The following ADGRB3 variants were observed in gnomAD, a reference collection of about 807,000 sequenced individuals.
ADGRB3 encodes brain-specific angiogenesis inhibitor 3.
In ADGRB3, 37 loss-of-function variants were observed where a neutral mutation model predicts 193.4. The ratio of observed to expected loss-of-function variants is 0.19; its 90% CI spans 0.15 to 0.25. The LOEUF is 0.25. ADGRB3 is among the 10% of genes least tolerant of loss of function. The probability of loss-of-function intolerance (pLI) is 1.00; values close to 1 mark genes in which losing one functional copy is unlikely to be tolerated. For synonymous variants in ADGRB3, 690 were observed against 644.2 expected, an observed-to-expected ratio of 1.07 and a Z score of -1.08; for missense variants, 1,637 against 1,852.9, an observed-to-expected ratio of 0.88 and a Z score of 2.14.
chr6:69,217,747 G>A (rs1428146089), intron 17 of ADGRB3, among the ~76,000 whole-genome samples: 1 of 152,120 alleles, frequency 6.6e-6, no homozygotes, highest in East Asian at 1.9e-4. Context: ...ACCCTGATTT[G>A]CTTCTCTTCA....
intron 3 of ADGRB3, among the ~76,000 whole-genome samples, chr6:68,774,876 C>T (rs185768201): frequency 4.6e-5 from 7 of 152,086 alleles, no homozygotes; most frequent in African/African-American, 1.7e-4. Flanking sequence ...ACTCAGGATT[C>T]AACAGATGTA....
intron 3 of ADGRB3, among the ~76,000 whole-genome samples, chr6:68,919,978 A>G (rs1766990442): frequency 6.6e-6 from 1 of 152,112 alleles, no homozygotes; most frequent in African/African-American, 2.4e-5. Context: ...TATCATAGAG[A>G]AAATTATTGG....
chr6:68,656,274 C>T (rs2127284083), intron 3 of ADGRB3, among the ~76,000 whole-genome samples: 2 of 151,652 alleles, frequency 1.3e-5, no homozygotes, highest in East Asian at 3.9e-4. Context: ...TTTTAACTCT[C>T]TGTAGTCCTT....
chr6:69,236,717 C>T (rs750165915), intron 19 of ADGRB3, among the ~76,000 whole-genome samples: 3 of 152,010 alleles, frequency 2.0e-5, no homozygotes, highest in South Asian at 2.1e-4. Context: ...ATCACTAACA[C>T]TAGCATATAC....
At chr6:69,159,387 A>G (rs557147925) in intron 17 of ADGRB3, among the ~76,000 whole-genome samples, 1 of 152,132 alleles carries the variant, frequency 6.6e-6, no homozygotes, top group East Asian at 1.9e-4. Flanking sequence ...TCTTACCTCA[A>G]GTATTAGTAG....
At chr6:69,334,520 T>C (rs139147152) in intron 24 of ADGRB3, among the ~76,000 whole-genome samples, 2 of 152,326 alleles carry the variant, frequency 1.3e-5, no homozygotes, top group Non-Finnish European at 2.9e-5. Context: ...GCAGACAAGT[T>C]TCTGTAACAA....
intron 3 of ADGRB3, among the ~76,000 whole-genome samples, chr6:68,805,407 T>C (rs1385434702): frequency 1.3e-5 from 2 of 152,196 alleles, no homozygotes; most frequent in Non-Finnish European, 2.9e-5. Flanking sequence ...CTCTTCTCAG[T>C]CTATTTTTAC....
At chr6:69,219,475 A>ATATATATACACG (rs1765845172) in intron 17 of ADGRB3, among the ~76,000 whole-genome samples, 1 of 78,086 alleles carries the variant, frequency 1.3e-5, no homozygotes, top group East Asian at 2.6e-4. Flanking sequence ...ATATATATAT[A>ATATATATACACG]TATATATATA....
At chr6:68,902,021 T>C (rs1295158890) in intron 3 of ADGRB3, among the ~76,000 whole-genome samples, 1 of 152,160 alleles carries the variant, frequency 6.6e-6, no homozygotes, top group Non-Finnish European at 1.5e-5. Context: ...AGAACTATTA[T>C]GAAATGGGCA....
intron 8 of ADGRB3, 58 bp downstream of exon 8, chr6:68,956,867 A>G: frequency 6.4e-7 from 1 of 1,556,586 alleles, no homozygotes; most frequent in Non-Finnish European, 8.8e-7. Context: ...AAAAAAAAAG[A>G]TTTAAAAATA....
chr6:69,021,658 T>C (rs934723012), intron 13 of ADGRB3, among the ~76,000 whole-genome samples: 4 of 151,890 alleles, frequency 2.6e-5, no homozygotes, highest in African/African-American at 4.8e-5. Flanking sequence ...GACGATAATT[T>C]ATATTTAAAA....
chr6:69,024,381 A>C (rs912362840), intron 13 of ADGRB3, among the ~76,000 whole-genome samples: 1 of 152,208 alleles, frequency 6.6e-6, no homozygotes, highest in Non-Finnish European at 1.5e-5. Flanking sequence ...GGAAAAGTGC[A>C]GACACAGTGA....
chr6:69,229,164 A>G (rs1582561540), intron 17 of ADGRB3, among the ~76,000 whole-genome samples: 3 of 152,246 alleles, frequency 2.0e-5, no homozygotes, highest in Admixed American at 2.0e-4. Flanking sequence ...CAATGTTCTC[A>G]ATATTTGCAA....
intron 17 of ADGRB3, among the ~76,000 whole-genome samples, chr6:69,085,144 C>G (rs951208153): frequency 5.3e-5 from 8 of 152,098 alleles, no homozygotes; most frequent in Admixed American, 3.3e-4. Context: ...ATAGGAAGCT[C>G]TCATCAGTGT....
At chr6:68,890,620 A>T (rs994060162) in intron 3 of ADGRB3, among the ~76,000 whole-genome samples, 3 of 152,218 alleles carry the variant, frequency 2.0e-5, no homozygotes, top group African/African-American at 7.2e-5. Context: ...ACTATTCTTG[A>T]TCTTAGAGGT....
intron 3 of ADGRB3, among the ~76,000 whole-genome samples, chr6:68,929,056 C>G (rs1044596420): frequency 2.0e-5 from 3 of 151,940 alleles, no homozygotes; most frequent in Admixed American, 2.0e-4. Flanking sequence ...GTTTAGACAC[C>G]ACATACAGCA....
chr6:69,326,987 G>A (rs758921183), intron 21 of ADGRB3, among the ~76,000 whole-genome samples: 1 of 152,092 alleles, frequency 6.6e-6, no homozygotes, highest in African/African-American at 2.4e-5. Flanking sequence ...GGAATGTGAT[G>A]CCACTAGAGA....
chr6:69,372,813 A>G (rs1769733792), intron 30 of ADGRB3, among the ~76,000 whole-genome samples: 1 of 152,026 alleles, frequency 6.6e-6, no homozygotes. Flanking sequence ...GACTGCCTGA[A>G]GAGATCCTGT....
intron 3 of ADGRB3, among the ~76,000 whole-genome samples, chr6:68,720,059 A>G (rs1765550355): frequency 1.3e-5 from 2 of 151,808 alleles, no homozygotes; most frequent in Non-Finnish European, 2.9e-5. Flanking sequence ...CTTTGTGCAT[A>G]TGAACATATT....
Sources: allele counts gnomAD v4.1 joint callset (sites outside exome capture counted in the v4.1 genomes callset), GRCh38; gene constraint gnomAD v4.1.1; transcripts MANE v1.5; gene names NCBI Gene and HGNC (gene_info 2026-07-23, HGNC 2026-07-21).